The following ACAP2 variants were observed in gnomAD, a reference collection of about 807,000 sequenced individuals.
ACAP2 encodes arf-GAP with coiled-coil, ANK repeat and PH domain-containing protein 2.
Under a neutral mutation model 115.8 loss-of-function variants are expected in ACAP2, and 39 were observed. The observed-to-expected ratio is 0.34, with a 90% confidence interval of 0.26 to 0.44. ACAP2 has a LOEUF of 0.44. Among genes scored for constraint, ACAP2 ranks in the 20% least tolerant of loss-of-function variants. The pLI is 1.00. For synonymous variants in ACAP2, 289 were observed against 315.8 expected, an observed-to-expected ratio of 0.92 and a Z score of 0.90; for missense variants, 662 against 927.6, an observed-to-expected ratio of 0.71 and a Z score of 3.72.
chr3:195,351,563 G>A (rs1241981517), intron 4 of ACAP2, among the ~76,000 whole-genome samples: 3 of 151,190 alleles, frequency 2.0e-5, no homozygotes, highest in Non-Finnish European at 2.9e-5. Context: ...CCGGGATCAC[G>A]CCATTCTCCT....
At chr3:195,442,031 T>A (rs1339205203) in intron 1 of ACAP2, 6 of 152,486 alleles carry the variant, frequency 3.9e-5, no homozygotes, top group African/African-American at 1.4e-4. Flanking sequence ...ACGGCCCTCC[T>A]ACTTCCGTTC....
At chr3:195,431,624 T>A (rs1384671294) in intron 1 of ACAP2, among the ~76,000 whole-genome samples, 1 of 149,324 alleles carries the variant, frequency 6.7e-6, no homozygotes, top group Non-Finnish European at 1.5e-5. Flanking sequence ...TTTTTTTGTA[T>A]TTTTAGTAGA....
intron 15 of ACAP2, among the ~76,000 whole-genome samples, chr3:195,300,616 C>A (rs1029302991): frequency 3.9e-5 from 6 of 152,106 alleles, no homozygotes; most frequent in African/African-American, 1.4e-4. Context: ...CTGAAACAAC[C>A]CAATGGTGTC....
At chr3:195,365,990 C>T (rs754217734) in intron 4 of ACAP2, among the ~76,000 whole-genome samples, 19 of 151,946 alleles carry the variant, frequency 1.3e-4, no homozygotes, top group Admixed American at 2.0e-4. Context: ...TACAGGCACG[C>T]GCCACCACAC....
chr3:195,333,184 TTACA>T, intron 7 of ACAP2, 61 bp from the exon 8 acceptor site: 2 of 791,534 alleles, frequency 2.5e-6, no homozygotes, highest in South Asian at 2.0e-5. Context: ...TTCTGAAATA[TTACA>T]TATATATATA....
intron 1 of ACAP2, among the ~76,000 whole-genome samples, chr3:195,399,968 TG>T (rs1177208282): frequency 2.0e-5 from 3 of 151,702 alleles, no homozygotes; most frequent in Non-Finnish European, 4.4e-5. Context: ...CACCTGAGGT[TG>T]GGAGTTCGAG....
At position 195,424,224 on chromosome 3, in the gene ACAP2, A is replaced by ATG. The variant is rs10576915; in HGVS notation, c.53+18569_53+18570dup. Among the ~76,000 whole-genome samples the ATG allele has an allele frequency of 1.5e-3, 169 of 113,264 alleles. No individual in the cohort carries two copies. In the Middle Eastern group the frequency reaches 0.018, roughly 12 times the overall value. 74.3% of individuals were successfully genotyped at this position (113,264 alleles called of 152,430 possible). ...TATATAAAATACTTAGAATGGTCATATGTGTGTGTGTGTGTGTGTGGTGTG... is the reference window on the plus strand; with the variant it reads ...TATATAAAATACTTAGAATGGTCATATGTGTGTGTGTGTGTGTGTGTGGTGTG... On this transcript the variant is annotated intron_variant, in intron 1 of 22. Transcript: ENST00000326793.
chr3:195,285,112 T>C (rs1480989831), intron 22 of ACAP2, among the ~76,000 whole-genome samples: 2 of 152,364 alleles, frequency 1.3e-5, no homozygotes, highest in Admixed American at 6.5e-5. Flanking sequence ...TAAGAGATAA[T>C]GTACAACTGC....
At chr3:195,363,064 C>CA (rs1274181231) in intron 4 of ACAP2, among the ~76,000 whole-genome samples, 1 of 151,922 alleles carries the variant, frequency 6.6e-6, no homozygotes, top group Non-Finnish European at 1.5e-5. Flanking sequence ...TAAAGACCAC[C>CA]AAAAAAACTA....
chr3:195,344,254 T>C (rs1731057575), intron 5 of ACAP2, among the ~76,000 whole-genome samples: 1 of 151,924 alleles, frequency 6.6e-6, no homozygotes, highest in Admixed American at 6.6e-5. Context: ...GAAAAGAAAC[T>C]GTAATACATA....
chr3:195,411,220 G>C (rs1252717009), intron 1 of ACAP2, among the ~76,000 whole-genome samples: 1 of 152,104 alleles, frequency 6.6e-6, no homozygotes, highest in Admixed American at 6.6e-5. Context: ...AAAGTACTAT[G>C]GCAACACTTC....
chr3:195,431,622 T>C (rs1715133162), intron 1 of ACAP2, among the ~76,000 whole-genome samples: 2 of 142,920 alleles, frequency 1.4e-5, no homozygotes, highest in African/African-American at 5.2e-5. Flanking sequence ...TTTTTTTTTG[T>C]ATTTTTAGTA....
intron 4 of ACAP2, among the ~76,000 whole-genome samples, chr3:195,380,585 G>A (rs1215954808): frequency 6.6e-6 from 1 of 152,014 alleles, no homozygotes; most frequent in Non-Finnish European, 1.5e-5. Flanking sequence ...AAAGAATATA[G>A]CACTCTTTAA....
intron 1 of ACAP2, among the ~76,000 whole-genome samples, chr3:195,441,040 A>C (rs961712453): frequency 6.6e-5 from 10 of 152,164 alleles, no homozygotes; most frequent in African/African-American, 2.4e-4. Flanking sequence ...TTTTATATTC[A>C]ATGATTTCTT....
At chr3:195,337,475 T>G (rs550018804) in intron 6 of ACAP2, among the ~76,000 whole-genome samples, 50 of 138,950 alleles carry the variant, frequency 3.6e-4, no homozygotes, top group Non-Finnish European at 4.4e-4. Flanking sequence ...TGACACAGAG[T>G]TTTGCTCTTA....
At chr3:195,306,783 T>A (rs1728449802) in intron 12 of ACAP2, 167 bp from the exon 13 acceptor site, 1 of 474,198 alleles carries the variant, frequency 2.1e-6, no homozygotes, top group South Asian at 3.7e-5. Flanking sequence ...CAAAGTATGT[T>A]AACGAAGAAA....
At chr3:195,434,836 T>C (rs1266322578) in intron 1 of ACAP2, among the ~76,000 whole-genome samples, 2 of 152,236 alleles carry the variant, frequency 1.3e-5, no homozygotes, top group African/African-American at 4.8e-5. Context: ...GTGTCTTTCT[T>C]GAAATATATT....
At chr3:195,398,656 A>C (rs919030870) in intron 1 of ACAP2, among the ~76,000 whole-genome samples, 11 of 151,286 alleles carry the variant, frequency 7.3e-5, no homozygotes, top group African/African-American at 1.2e-4. Flanking sequence ...TAAATAAATA[A>C]ATAAATAAAT....
intron 4 of ACAP2, chr3:195,356,149 G>A (rs1356518738): frequency 8.8e-6 from 4 of 456,608 alleles, no homozygotes; most frequent in East Asian, 6.9e-5. Flanking sequence ...CCATGCGCTC[G>A]TAGCAACCAC....
Sources: gnomAD v4.1 joint callset for allele counts (sites outside exome capture counted in the v4.1 genomes callset) on GRCh38, gnomAD v4.1.1 for gene constraint, MANE v1.5 for transcripts, NCBI Gene and HGNC (gene_info 2026-07-23, HGNC 2026-07-21) for gene names.